KALRN: variants seen among roughly 807,000 people sequenced by gnomAD.
KALRN encodes kalirin.
Under a neutral mutation model 353.7 loss-of-function variants are expected in KALRN, and 70 were observed. The observed-to-expected ratio is 0.20, with a 90% CI of 0.16 to 0.24. The LOEUF (loss-of-function observed/expected upper bound fraction) is 0.24, where lower values mean the gene tolerates loss of function less well. KALRN is among the 10% of genes least tolerant of loss of function. The pLI, the probability that KALRN is intolerant of heterozygous loss-of-function variation, is 1.00. For missense variants in KALRN, 2,791 were observed against 3,756.7 expected, an observed-to-expected ratio of 0.74 and a Z score of 6.72; for synonymous variants, 1,391 against 1,434.8, an observed-to-expected ratio of 0.97 and a Z score of 0.69.
Position 124,334,525 on chromosome 3 carries a change from A to G in KALRN, c.1647+30A>G, listed in dbSNP as rs2080922927. ...CAGGCTCTGAGCCCCGGTGTCCATTATCCATTCTAGGAGGCAGACCGAGCT... is the reference window on the plus strand; with the variant it reads ...CAGGCTCTGAGCCCCGGTGTCCATTGTCCATTCTAGGAGGCAGACCGAGCT... On this transcript the variant is annotated intron_variant, in intron 9 of 59. Coordinates refer to ENST00000682506, the MANE Select transcript of KALRN (RefSeq NM_001388419.1). The surrounding 1 kb of genome is among the most constrained non-coding windows in gnomAD (Gnocchi z 4.2). The G allele has an allele frequency of 2.0e-6, 3 of 1,537,866 alleles. No homozygotes were observed. Among genetic ancestry groups the G allele is most frequent in the Non-Finnish European group, 2.7e-6 (3 of 1,118,962 alleles).
chr3:124,443,066 G>T (rs1198102842), intron 19 of KALRN, among the ~76,000 whole-genome samples: 1 of 152,064 alleles, frequency 6.6e-6, no homozygotes, highest in Non-Finnish European at 1.5e-5. Context: ...CTACCAACCA[G>T]GTAATTTGTG....
chr3:124,053,575 A>C (rs1455937289), intron 1 of KALRN, among the ~76,000 whole-genome samples: 1 of 152,184 alleles, frequency 6.6e-6, no homozygotes, highest in South Asian at 2.1e-4. Context: ...AGGGTTTAGC[A>C]CTGCTCCATT....
intron 49 of KALRN, among the ~76,000 whole-genome samples, chr3:124,676,649 T>C (rs1478297913): frequency 6.6e-6 from 1 of 152,236 alleles, no homozygotes; most frequent in African/African-American, 2.4e-5. Context: ...TTAATAAATG[T>C]AGAAACACAC....
chr3:124,263,278 G>A (rs931153679), intron 3 of KALRN, among the ~76,000 whole-genome samples: 6 of 152,068 alleles, frequency 3.9e-5, no homozygotes, highest in Admixed American at 3.3e-4. Flanking sequence ...ATCCTGATAC[G>A]TGCATTTCAC....
intron 33 of KALRN, among the ~76,000 whole-genome samples, chr3:124,528,792 G>A (rs116630509): frequency 0.01 from 1,586 of 152,282 alleles, 26 homozygotes; most frequent in African/African-American, 0.036. Flanking sequence ...TCCAACTCAG[G>A]TCTTGTTATA....
At chr3:124,679,432 C>T in intron 50 of KALRN, 26 bp from the exon 51 acceptor site, 1 of 1,605,742 alleles carries the variant, frequency 6.2e-7, no homozygotes, top group Non-Finnish European at 8.5e-7. Flanking sequence ...TCTCTTTCTT[C>T]CCCCTTCCTC....
chr3:124,083,346 AT>A (rs1559919132), intron 1 of KALRN, among the ~76,000 whole-genome samples: 1 of 152,148 alleles, frequency 6.6e-6, no homozygotes, highest in Non-Finnish European at 1.5e-5. Context: ...AGATGCAGGG[AT>A]GGCTGGTCCA....
chr3:124,302,577 A>T (rs1026792088), intron 6 of KALRN, among the ~76,000 whole-genome samples: 22 of 152,354 alleles, frequency 1.4e-4, no homozygotes, highest in African/African-American at 5.3e-4. Flanking sequence ...TTATTTTCAC[A>T]TGTCAAGTGT....
intron 48 of KALRN, 55 bp from the exon 49 acceptor site, chr3:124,674,309 C>T: frequency 6.4e-7 from 1 of 1,564,704 alleles, no homozygotes; most frequent in Non-Finnish European, 8.7e-7. Context: ...CAGAGCAAGC[C>T]CATGTGAACT....
At chr3:124,219,408 T>C (rs1164135892) in intron 1 of KALRN, among the ~76,000 whole-genome samples, 1 of 152,144 alleles carries the variant, frequency 6.6e-6, no homozygotes, top group East Asian at 1.9e-4. Flanking sequence ...TTTATGGAAA[T>C]ATACTTCAAA....
chr3:124,243,731 G>A (rs2148673301), intron 3 of KALRN, among the ~76,000 whole-genome samples: 1 of 152,284 alleles, frequency 6.6e-6, no homozygotes, highest in East Asian at 1.9e-4. Flanking sequence ...GAGGTGAAAT[G>A]CGCATGCTTG....
chr3:124,491,485 C>A (rs573352883), intron 31 of KALRN, 61 bp downstream of exon 31: 3 of 1,241,116 alleles, frequency 2.4e-6, no homozygotes, highest in Admixed American at 2.3e-5. Context: ...TGGGGGTGGG[C>A]AAGTGACACC....
rs777457334 is a variant in KALRN, at chr3:124,492,888, C to T, written c.4832+6C>T. The T allele has an allele frequency of 6.2e-7, 1 of 1,613,590 alleles. No homozygotes were observed. On this transcript the variant is annotated splice_donor_region_variant and intron_variant, in intron 32 of 59. Coordinates refer to ENST00000682506, the MANE Select transcript of KALRN (RefSeq NM_001388419.1). ...CAGAGGAACAATAGTAAGAGGTAAC[C>T]AGCACCTCTCCCTCCAGCACTGCCT... is the stretch of plus-strand genomic sequence containing the variant.
intron 34 of KALRN, among the ~76,000 whole-genome samples, chr3:124,592,152 A>G (rs141602444): frequency 6.6e-6 from 1 of 151,960 alleles, no homozygotes; most frequent in East Asian, 1.9e-4. Flanking sequence ...AAATACAAAA[A>G]TTACCTGGGT....
intron 33 of KALRN, among the ~76,000 whole-genome samples, chr3:124,531,307 A>T (rs1046464653): frequency 8.5e-5 from 13 of 152,220 alleles, no homozygotes; most frequent in Admixed American, 2.0e-4. Context: ...AATAATTTAC[A>T]TTTGGACTCT....
chr3:124,564,204 C>CA lies in KALRN; in HGVS notation c.5182+1142dup, dbSNP rs58917238. ...TGGGCGACAGAGCGAAACTCCGTCT[C>CA]AAAAAAAAAAAAAAAAAAAAAAAAA... is the stretch of plus-strand genomic sequence containing the variant. On this transcript the variant is annotated intron_variant, in intron 34 of 59. Coordinates refer to ENST00000682506, the MANE Select transcript of KALRN (RefSeq NM_001388419.1). Among the ~76,000 whole-genome samples the CA allele has an allele frequency of 7.1e-3, 526 of 73,862 alleles. 9 individuals carry two copies. Among genetic ancestry groups the CA allele is most frequent in the African/African-American group, 0.016 (322 of 19,834 alleles). 48.5% of individuals were successfully genotyped at this position (73,862 alleles called of 152,430 possible). A position where few individuals can be genotyped will look rare whatever the true frequency, so the allele number is the denominator to read the frequency against.
intron 6 of KALRN, among the ~76,000 whole-genome samples, chr3:124,319,945 G>A (rs2149362424): frequency 6.6e-6 from 1 of 152,190 alleles, no homozygotes; most frequent in South Asian, 2.1e-4. Flanking sequence ...AATGAGCCAA[G>A]ATTGTGCTAC....
intron 1 of KALRN, among the ~76,000 whole-genome samples, chr3:124,039,434 G>A (rs558992079): frequency 6.6e-6 from 1 of 152,120 alleles, no homozygotes; most frequent in African/African-American, 2.4e-5. Context: ...TAAGAAAAAG[G>A]ATCTTTTTAA....
At chr3:124,237,518 A>G (rs2079932640) in intron 3 of KALRN, among the ~76,000 whole-genome samples, 1 of 152,042 alleles carries the variant, frequency 6.6e-6, no homozygotes. Flanking sequence ...ACCTGCCACC[A>G]CAACTGGCTA....
Sources: gnomAD v4.1 joint callset for allele counts (sites outside exome capture counted in the v4.1 genomes callset) on GRCh38, gnomAD v4.1.1 for gene constraint, Gnocchi (gnomAD v3.1) non-coding constraint, MANE v1.5 for transcripts, NCBI Gene and HGNC (gene_info 2026-07-23, HGNC 2026-07-21) for gene names.